PCDHGB3: variants seen among roughly 807,000 people sequenced by gnomAD.
PCDHGB3 encodes the protein protocadherin gamma subfamily B, 3.
Under a neutral mutation model 59.2 loss-of-function variants are expected in PCDHGB3, and 40 were observed. The ratio of observed to expected loss-of-function variants is 0.68; its 90% confidence interval spans 0.52 to 0.88. The LOEUF (loss-of-function observed/expected upper bound fraction) is 0.88. Among genes scored for constraint, PCDHGB3 ranks in the 40% least tolerant of loss-of-function variants. The pLI is 0.00. For missense variants in PCDHGB3, 1,309 were observed against 1,187.9 expected (o/e 1.10, Z -1.50); for synonymous variants, 581 against 503.6 (o/e 1.15, Z -2.06).
intron 2 of PCDHGB3, among the ~76,000 whole-genome samples, chr5:141,495,922 C>G (rs1263216717): frequency 6.6e-6 from 1 of 152,100 alleles, no homozygotes; most frequent in Non-Finnish European, 1.5e-5. Context: ...CTTTCTTTGT[C>G]TCTGTCTCTG....
Position 141,371,417 on chromosome 5 carries a change from T to C in PCDHGB3, c.1023T>C (p.Asn341=). ...TACAGATAGATATTTCAGATGAAAA[T>C]GACAATGCCCCGGAGATAACCCTGG... ...CKVQIDISDE[N]DNAPEITLAS... is the part of the protein sequence containing the mutation. Residue 341 remains asparagine, a synonymous_variant, in exon 1 of 4, where the codon AAT becomes AAC. Transcript: ENST00000576222. The C allele has an allele frequency of 1.9e-6, 3 of 1,613,948 alleles. No individual in the cohort carries two copies. Among genetic ancestry groups the C allele is most frequent in the Middle Eastern group, 1.6e-4 (1 of 6,062 alleles).
intron 1 of PCDHGB3, chr5:141,478,540 C>T (rs1221128622): frequency 6.2e-7 from 1 of 1,606,412 alleles, no homozygotes; most frequent in East Asian, 2.2e-5. Context: ...GCGCCCCTCC[C>T]GGACAGGTAA....
intron 1 of PCDHGB3, chr5:141,382,975 G>A (rs1459980689): frequency 6.2e-7 from 1 of 1,610,700 alleles, no homozygotes. Flanking sequence ...CCCCTGGGAA[G>A]CCTGGGCAGG....
intron 1 of PCDHGB3, among the ~76,000 whole-genome samples, chr5:141,471,887 G>T (rs1215891997): frequency 6.6e-6 from 1 of 152,152 alleles, no homozygotes; most frequent in African/African-American, 2.4e-5. Context: ...CTGAAGCTAG[G>T]AAGATTGACT....
At chr5:141,418,050 G>T in intron 1 of PCDHGB3, 1 of 1,613,576 alleles carries the variant, frequency 6.2e-7, no homozygotes, top group Non-Finnish European at 8.5e-7. Context: ...GTGTCGGCTC[G>T]CGAGCTGCGA....
chr5:141,483,588 A>G (rs2099583207), intron 1 of PCDHGB3, among the ~76,000 whole-genome samples: 1 of 152,112 alleles, frequency 6.6e-6, no homozygotes, highest in African/African-American at 2.4e-5. Flanking sequence ...AACACCTAAT[A>G]GGTCAGGCTG....
intron 1 of PCDHGB3, among the ~76,000 whole-genome samples, chr5:141,470,036 C>T (rs573955901): frequency 5.3e-5 from 8 of 152,022 alleles, no homozygotes; most frequent in South Asian, 2.1e-4. Flanking sequence ...TGCTGAGGCG[C>T]GAGAACTGTT....
At chr5:141,383,385 G>A in intron 1 of PCDHGB3, 2 of 1,613,962 alleles carry the variant, frequency 1.2e-6, no homozygotes, top group South Asian at 2.2e-5. Flanking sequence ...ATCCAGATGT[G>A]GGCACGAACT....
At chr5:141,430,811 A>G (rs1193066300) in intron 1 of PCDHGB3, 1 of 1,527,400 alleles carries the variant, frequency 6.5e-7, no homozygotes. Flanking sequence ...CCTGCTGGGA[A>G]TCCTCCTGGG....
chr5:141,422,487 T>C lies in PCDHGB3; in HGVS notation c.2415+49678T>C, dbSNP rs1295400741. 5.0e-6 allele frequency: 8 copies of C among 1,613,938 alleles called. No individual in the cohort carries two copies. The East Asian group carries it at 1.8e-4, about 36-fold the overall frequency. ...ACAGGGAGTTGGTCCAGAGCTACAA[T>C]ATAACGTTGACAGCCACAGACCAGG... On this transcript the variant is annotated intron_variant, in intron 1 of 3. Coordinates refer to ENST00000576222, the MANE Select transcript of PCDHGB3 (RefSeq NM_018924.5).
Position 141,427,654 on chromosome 5 carries a change from TCCACGTGGC to T in PCDHGB3, c.2415+54847_2415+54855del, listed in dbSNP as rs562748605. On this transcript the variant is annotated intron_variant, in intron 1 of 3. Coordinates refer to ENST00000576222, the MANE Select transcript of PCDHGB3 (RefSeq NM_018924.5). ...GTTTTCCACCAAGTCTCCTACGTGG[TCCACGTGGC>T]CGAAAACAACCTTCCCGGAGCCTCC... 2.0e-4 allele frequency: 148 copies of T among 727,622 alleles called. No individual in the cohort carries two copies. The African/African-American group carries it at 2.4e-3, about 12-fold the overall frequency. The allele number at this position is 727,622 out of a possible 1,614,324, so 45.1% of individuals were successfully genotyped here.
chr5:141,383,826 T>C, intron 1 of PCDHGB3: 1 of 1,613,966 alleles, frequency 6.2e-7, no homozygotes, highest in Non-Finnish European at 8.5e-7. Flanking sequence ...GATTAGATTA[T>C]GAAGAAACTG....
intron 1 of PCDHGB3, chr5:141,374,267 C>A: frequency 6.2e-7 from 1 of 1,614,008 alleles, no homozygotes; most frequent in Non-Finnish European, 8.5e-7. Flanking sequence ...GTTGGCGGAG[C>A]ACGGAGTCCG....
At chr5:141,382,059 C>T (rs1480800714) in intron 1 of PCDHGB3, among the ~76,000 whole-genome samples, 1 of 151,960 alleles carries the variant, frequency 6.6e-6, no homozygotes, top group South Asian at 2.1e-4. Context: ...AAGCTCCCGA[C>T]CTCAGGTGAT....
intron 3 of PCDHGB3, among the ~76,000 whole-genome samples, chr5:141,510,117 T>C (rs1205620535): frequency 6.6e-6 from 1 of 151,908 alleles, no homozygotes; most frequent in East Asian, 1.9e-4. Context: ...TGTTTTGAAA[T>C]ACAAAAATTA....
At chr5:141,407,261 C>G (rs1396861077) in intron 1 of PCDHGB3, among the ~76,000 whole-genome samples, 1 of 152,128 alleles carries the variant, frequency 6.6e-6, no homozygotes, top group Non-Finnish European at 1.5e-5. Flanking sequence ...TATTTTTAAC[C>G]ATGCAACAAG....
At position 141,489,635 on chromosome 5, in the gene PCDHGB3, G is replaced by C. The variant is rs1380466520; in HGVS notation, c.2416-5172G>C. 2 of 1,614,142 alleles carry C rather than the reference G, an allele frequency of 1.2e-6. No homozygotes were observed. The highest frequency in any genetic ancestry group is 3.3e-5 in the Admixed American group (2 of 60,016). ...CTGGATCTCAATGACAACTCTCCTAGCTTTGCCACCCCTGAGCGAGAGATG... is the reference window on the plus strand; with the variant it reads ...CTGGATCTCAATGACAACTCTCCTACCTTTGCCACCCCTGAGCGAGAGATG... On this transcript the variant is annotated intron_variant, in intron 1 of 3. Transcript: ENST00000576222. This position sits in a 1 kb window ranked among gnomAD's most constrained non-coding sequence, Gnocchi z 4.5.
In PCDHGB3 at chr5:141,510,992, T is replaced by C. The variant is rs879030278; in HGVS notation, c.2609T>C (p.Met870Thr). The change falls in exon 4 of 4, where the codon ATG (methionine) becomes ACG (threonine). Residue 870 changes from methionine to threonine, a missense_variant. By Grantham distance (81) the Met-to-Thr change is moderately conservative. Coordinates refer to ENST00000576222, the MANE Select transcript of PCDHGB3 (RefSeq NM_018924.5). ...SSTLGGGAGT[M>T]GLSARYGPQF... is the part of the protein sequence containing the mutation. ...ACCCTGGGAGGGGGTGCCGGCACCA[T>C]GGGATTGAGCGCCCGCTACGGACCC... The C allele has an allele frequency of 1.9e-6, 3 of 1,614,164 alleles. No individual in the cohort carries two copies. The highest frequency in any genetic ancestry group is 2.5e-6 in the Non-Finnish European group (3 of 1,180,006).
intron 1 of PCDHGB3, chr5:141,404,901 G>A: frequency 6.2e-7 from 1 of 1,613,848 alleles, no homozygotes; most frequent in African/African-American, 1.3e-5. Flanking sequence ...CAGGACCATG[G>A]CCAGCCCCCT....
Sources: gnomAD v4.1 joint callset for allele counts (sites outside exome capture counted in the v4.1 genomes callset) on GRCh38, gnomAD v4.1.1 for gene constraint, Gnocchi (gnomAD v3.1) non-coding constraint, MANE v1.5 for transcripts, NCBI Gene and HGNC (gene_info 2026-07-23, HGNC 2026-07-21) for gene names.